ODAD1: variants seen among roughly 807,000 people sequenced by gnomAD.
ODAD1 encodes the protein outer dynein arm-docking complex subunit 1.
In ODAD1, 49 loss-of-function variants were observed where a neutral mutation model predicts 67.2. The observed-to-expected ratio is 0.73, with a 90% CI of 0.58 to 0.92. The LOEUF (loss-of-function observed/expected upper bound fraction) is 0.92. ODAD1 is among the 40% of genes least tolerant of loss of function. The pLI is 0.00. For synonymous variants in ODAD1, 345 were observed against 393.7 expected, an observed-to-expected ratio of 0.88 and a Z score of 1.46; for missense variants, 897 against 953.7, an observed-to-expected ratio of 0.94 and a Z score of 0.78.
rs543834005 is a variant in ODAD1, at chr19:48,314,654, A to G, written c.361-2538T>C. ...TGCTGCAATAAAAGCCAAATACCCA[A>G]TTGTTGGTGGGCGCAGTGTCTCACG... is the stretch of plus-strand genomic sequence containing the variant. On this transcript the variant is annotated intron_variant, in intron 5 of 15. Coordinates refer to ENST00000674294, the MANE Select transcript of ODAD1 (RefSeq NM_001364171.2). Among the ~76,000 whole-genome samples the G allele has an allele frequency of 2.6e-5, 4 of 152,200 alleles. No individual in the cohort carries two copies. The East Asian group carries it at 5.8e-4, about 22-fold the overall frequency.
In ODAD1 at chr19:48,302,727, C is replaced by A. The variant is rs1314644286; in HGVS notation, c.1207G>T (p.Asp403Tyr). The change falls in exon 12 of 16, where the codon GAT becomes TAT. Residue 403 changes from aspartate (D) to tyrosine (Y), a missense_variant. Transcript: ENST00000674294. The stretch of plus-strand genomic sequence containing the variant: ...AGCTTCTCCAGCTGTCCCCGCACAT[C>A]CTGGAAGCGGGCCTCAAGGCGCTCA... ...EAERLEARFQDVRGQLEKLKA... is the reference protein window; with the variant it reads ...EAERLEARFQYVRGQLEKLKA... 6.2e-7 allele frequency: 1 copy of A among 1,612,654 alleles called. No homozygotes were observed.
intron 1 of ODAD1, chr19:48,321,371 G>A (rs114414773): frequency 0.014 from 2,228 of 158,078 alleles, 55 homozygotes; most frequent in African/African-American, 0.05. Flanking sequence ...GGGGCGTGCC[G>A]TAGGGAGCTG....
chr19:48,312,158 G>A, intron 5 of ODAD1, 42 bp from the exon 6 acceptor site: 1 of 1,521,452 alleles, frequency 6.6e-7, no homozygotes, highest in Non-Finnish European at 8.9e-7. Context: ...TTGCCTGAAT[G>A]TGGGAGAGAT....
Position 48,296,469 on chromosome 19 carries a change from A to C in ODAD1, c.*507T>G, listed in dbSNP as rs188513042. 1.6e-3 allele frequency: 254 copies of C among 154,564 alleles called. No individual in the cohort carries two copies. The highest frequency in any genetic ancestry group is 3.2e-3 in the Non-Finnish European group (223 of 69,752). 9.6% of individuals were successfully genotyped at this position (154,564 alleles called of 1,614,324 possible). On this transcript the variant is annotated 3_prime_UTR_variant, in exon 16 of 16. Transcript: ENST00000674294. ...GCCATGGCTGAAGCCAGCTCTCCAC[A>C]CATATACTTTATTTCCACAGTCCCA...
intron 12 of ODAD1, 143 bp from the exon 13 acceptor site, chr19:48,298,483 C>T: frequency 1.3e-6 from 1 of 775,508 alleles, no homozygotes; most frequent in Non-Finnish European, 2.1e-6. Flanking sequence ...CGAGCTCAGC[C>T]AGCCAGGCAG....
chr19:48,299,993 T>C (rs547320150), intron 12 of ODAD1, among the ~76,000 whole-genome samples: 1 of 148,962 alleles, frequency 6.7e-6, no homozygotes, highest in African/African-American at 2.5e-5. Context: ...CTGGACAACA[T>C]AGTAAAATCC....
chr19:48,298,485 G>A (rs1171772041), intron 12 of ODAD1, 145 bp from the exon 13 acceptor site: 27 of 755,602 alleles, frequency 3.6e-5, no homozygotes, highest in Non-Finnish European at 5.4e-5. Context: ...AGCTCAGCCA[G>A]CCAGGCAGGG....
intron 12 of ODAD1, among the ~76,000 whole-genome samples, chr19:48,298,966 C>T (rs1284166600): frequency 6.6e-6 from 1 of 152,192 alleles, no homozygotes; most frequent in Non-Finnish European, 1.5e-5. Context: ...GGCTCTCCAG[C>T]TCGCTCCCCA....
chr19:48,308,533 CT>C (rs1164722307), intron 7 of ODAD1, among the ~76,000 whole-genome samples: 1 of 152,198 alleles, frequency 6.6e-6, no homozygotes, highest in Non-Finnish European at 1.5e-5. Flanking sequence ...ATGACAGAGT[CT>C]TTTAAATTAC....
intron 8 of ODAD1, among the ~76,000 whole-genome samples, chr19:48,304,474 C>A (rs1968555041): frequency 6.6e-6 from 1 of 152,124 alleles, no homozygotes; most frequent in South Asian, 2.1e-4. Context: ...CAAAAATTAG[C>A]CAGACCTGGT....
chr19:48,320,030 C>CCAGTTTCTCCTTCT, intron 3 of ODAD1: 1 of 1,051,942 alleles, frequency 9.5e-7, no homozygotes, highest in Admixed American at 5.2e-5. Flanking sequence ...TGTAGAAACA[C>CCAGTTTCTCCTTCT]CCTTCCTTCC....
At chr19:48,314,461 C>A (rs1487745353) in intron 5 of ODAD1, among the ~76,000 whole-genome samples, 3 of 152,182 alleles carry the variant, frequency 2.0e-5, no homozygotes, top group Admixed American at 2.0e-4. Context: ...AAGGCTGCAG[C>A]AAACTTAAGA....
At position 48,312,464 on chromosome 19, in the gene ODAD1, G is replaced by A. The variant is rs188921459; in HGVS notation, c.361-348C>T. Among the ~76,000 whole-genome samples the A allele has an allele frequency of 5.1e-4, 72 of 140,520 alleles. No homozygotes were observed. In the East Asian group the frequency reaches 0.015, roughly 29 times the overall value. The allele number at this position is 140,520 out of a possible 152,430, so 92.2% of individuals were successfully genotyped here. ...GAGTCTTGCTCTGTCTCCCAGGCTG[G>A]AGTGTGCAGTGGCGCGATCTTGGCT... On this transcript the variant is annotated intron_variant, in intron 5 of 15. Transcript: ENST00000674294.
intron 7 of ODAD1, among the ~76,000 whole-genome samples, chr19:48,309,406 C>T (rs1174522477): frequency 6.6e-6 from 1 of 152,182 alleles, no homozygotes; most frequent in Non-Finnish European, 1.5e-5. Context: ...CAGAGGCCTG[C>T]AGAGACATCT....
Position 48,312,088 on chromosome 19 carries a change from G to A in ODAD1, c.389C>T (p.Thr130Ile), listed in dbSNP as rs551809149. The A allele has an allele frequency of 9.7e-6, 15 of 1,550,858 alleles. No individual in the cohort carries two copies. The highest frequency in any genetic ancestry group is 1.4e-5 in the African/African-American group (1 of 72,978). ...QIQEWETRIF[T>I]HSKNVRSPGF... ...CGGGGACCTGACATTCTTACTGTGG[G>A]TAAAGATCCGCGTCTCCCACTCCTG... Residue 130 changes from threonine to isoleucine, a missense_variant, in exon 6 of 16, where the codon ACC (threonine) becomes ATC (isoleucine). Transcript: ENST00000674294.
rs1048720026 is a variant in ODAD1, at chr19:48,296,856, G to A, written c.*120C>T. ...ATGAAAACAGTTGAAGGGGCAAAAA[G>A]ACAGAGGCCTGCCACTGGGAGAAAA... is the stretch of plus-strand genomic sequence containing the variant. On this transcript the variant is annotated 3_prime_UTR_variant, in exon 16 of 16. Transcript: ENST00000674294. 3 of 1,436,022 alleles carry A rather than the reference G, an allele frequency of 2.1e-6. No homozygotes were observed. In the African/African-American group the frequency reaches 4.3e-5, roughly 21 times the overall value. The allele number at this position is 1,436,022 out of a possible 1,614,324, so 89.0% of individuals were successfully genotyped here.
Position 48,298,353 on chromosome 19 carries a change from G to C in ODAD1, c.1241-13C>G. 6.2e-7 allele frequency: 1 copy of C among 1,613,404 alleles called. No individual in the cohort carries two copies. Among genetic ancestry groups the C allele is most frequent in the Non-Finnish European group, 8.5e-7 (1 of 1,179,590 alleles). Reference sequence around the variant, plus strand: ...AGGAGCTGGATATCTGCGTCATGGAGGGCCGGTTGTCAGGGATCTGGCACC... The same window carrying C: ...AGGAGCTGGATATCTGCGTCATGGACGGCCGGTTGTCAGGGATCTGGCACC... On this transcript the variant is annotated splice_polypyrimidine_tract_variant and intron_variant, in intron 12 of 15. Coordinates refer to ENST00000674294, the MANE Select transcript of ODAD1 (RefSeq NM_001364171.2).
In ODAD1 at chr19:48,297,460, G is replaced by A. The variant is rs776156161; in HGVS notation, c.1640C>T (p.Ala547Val). 1.8e-5 allele frequency: 28 copies of A among 1,597,538 alleles called. No individual in the cohort carries two copies. The highest frequency in any genetic ancestry group is 1.7e-4 in the Admixed American group (10 of 58,638). ...QRQKDLAAAA[A>V]KLDGTLSVDL... is the part of the protein sequence containing the mutation. ...CACGCTCAGGGTGCCGTCCAGCTTC[G>A]CGGCGGCGGCGGCCAGGTCCTTCTG... is the stretch of plus-strand genomic sequence containing the variant. Residue 547 changes from alanine (A) to valine (V), a missense_variant, in exon 16 of 16, where the codon GCG (alanine) becomes GTG (valine). By Grantham distance (64) the Ala-to-Val change is moderately conservative (BLOSUM62 0). Transcript: ENST00000674294.
chr19:48,300,027 G>A (rs948945551), intron 12 of ODAD1, among the ~76,000 whole-genome samples: 4 of 150,862 alleles, frequency 2.7e-5, no homozygotes, highest in African/African-American at 4.9e-5. Context: ...AAAAAGGGCC[G>A]GGCACAGTGG....
Sources: allele counts gnomAD v4.1 joint callset (sites outside exome capture counted in the v4.1 genomes callset), GRCh38; gene constraint gnomAD v4.1.1; transcripts MANE v1.5; gene names NCBI Gene and HGNC (gene_info 2026-07-23, HGNC 2026-07-21).